GPHN: variants seen among roughly 807,000 people sequenced by gnomAD.
The protein encoded by GPHN is gephyrin.
A neutral mutation model predicts 95.5 loss-of-function variants in GPHN; 17 were observed. The ratio of observed to expected loss-of-function variants is 0.18; its 90% confidence interval spans 0.12 to 0.27. The LOEUF is 0.27. GPHN is among the 10% of genes least tolerant of loss of function. GPHN has a pLI of 1.00. For synonymous variants in GPHN, 320 were observed against 322.5 expected (o/e 0.99, Z 0.08); for missense variants, 660 against 978.1 (o/e 0.67, Z 4.34).
At chr14:66,686,485 C>G (rs1390557031) in intron 2 of GPHN, among the ~76,000 whole-genome samples, 10 of 152,092 alleles carry the variant, frequency 6.6e-5, no homozygotes, top group Non-Finnish European at 1.3e-4. Context: ...AAGTTGGATT[C>G]CTAGGTATTT....
the GPHN span, chr14:67,411,964 C>T: frequency 6.8e-7 from 1 of 1,460,302 alleles, no homozygotes; most frequent in Non-Finnish European, 9.2e-7. Context: ...CTCTAGGGAG[C>T]CGCGTCGGCG....
At chr14:66,865,871 T>A (rs926113307) in intron 4 of GPHN, among the ~76,000 whole-genome samples, 2 of 152,168 alleles carry the variant, frequency 1.3e-5, no homozygotes, top group Admixed American at 6.5e-5. Flanking sequence ...TTGGCTTGGC[T>A]CTTTTATTAC....
chr14:67,562,751 C>T, the GPHN span: 1 of 1,613,786 alleles, frequency 6.2e-7, no homozygotes. Context: ...CCGGGAGGAA[C>T]CAGAGAAGAT....
chr14:67,639,093 C>G, the GPHN span, among the ~76,000 whole-genome samples: 1 of 152,204 alleles, frequency 6.6e-6, no homozygotes, highest in Non-Finnish European at 1.5e-5. Context: ...CCTGAATTAG[C>G]GACTGAAATC....
chr14:67,426,775 A>G, the GPHN span, among the ~76,000 whole-genome samples: 1 of 152,098 alleles, frequency 6.6e-6, no homozygotes, highest in East Asian at 1.9e-4. Context: ...GGGTTTCTCC[A>G]TGTTGGGCAG....
At chr14:67,420,989 T>C in the GPHN span, among the ~76,000 whole-genome samples, 1 of 152,196 alleles carries the variant, frequency 6.6e-6, no homozygotes. Context: ...GAGATGAGGA[T>C]GCAGTTGGTC....
At chr14:67,667,116 GA>G in the GPHN span, among the ~76,000 whole-genome samples, 5 of 152,154 alleles carry the variant, frequency 3.3e-5, no homozygotes. Context: ...TCTCCTTTGG[GA>G]AACTGGGTGG....
the GPHN span, among the ~76,000 whole-genome samples, chr14:67,606,622 C>T: frequency 1.3e-5 from 2 of 151,870 alleles, no homozygotes; most frequent in East Asian, 3.9e-4. Context: ...GTAAAAAAGC[C>T]CTGGTTTTTG....
At chr14:67,433,784 A>G in the GPHN span, among the ~76,000 whole-genome samples, 1 of 152,254 alleles carries the variant, frequency 6.6e-6, no homozygotes, top group Non-Finnish European at 1.5e-5. Context: ...AAGACTTGAT[A>G]TAAGATGAAT....
intron 3 of GPHN, among the ~76,000 whole-genome samples, chr14:66,786,546 T>C (rs1440965388): frequency 6.6e-6 from 1 of 152,070 alleles, no homozygotes; most frequent in Non-Finnish European, 1.5e-5. Context: ...TCTAGTATAA[T>C]GTTGATACCA....
intron 1 of GPHN, among the ~76,000 whole-genome samples, chr14:66,651,572 T>G (rs2065046418): frequency 1.3e-5 from 2 of 152,164 alleles, no homozygotes; most frequent in Admixed American, 1.3e-4. Flanking sequence ...CCTTTGTCCT[T>G]GCTAGAAGAG....
chr14:67,681,817 T>G, the GPHN span, among the ~76,000 whole-genome samples: 1 of 152,172 alleles, frequency 6.6e-6, no homozygotes, highest in Non-Finnish European at 1.5e-5. Context: ...CACAGACCTA[T>G]GTAATGCTAC....
At chr14:67,609,695 A>G in the GPHN span, among the ~76,000 whole-genome samples, 1 of 152,218 alleles carries the variant, frequency 6.6e-6, no homozygotes, top group Non-Finnish European at 1.5e-5. Context: ...GGGGCTCATT[A>G]TAAATAACAA....
chr14:67,341,733 G>A, the GPHN span, among the ~76,000 whole-genome samples: 2 of 152,260 alleles, frequency 1.3e-5, no homozygotes, highest in African/African-American at 4.8e-5. Flanking sequence ...GCGGTTTTGT[G>A]GAATAGAAAA....
the GPHN span, chr14:67,579,328 GCT>G: frequency 2.0e-6 from 3 of 1,480,836 alleles, no homozygotes; most frequent in Non-Finnish European, 2.7e-6. Flanking sequence ...AGCTGGGCGT[GCT>G]CTTTGCCCCG....
At chr14:67,578,877 C>G in the GPHN span, among the ~76,000 whole-genome samples, 1 of 152,248 alleles carries the variant, frequency 6.6e-6, no homozygotes, top group Non-Finnish European at 1.5e-5. The surrounding 1 kb of genome is among the most constrained non-coding windows in gnomAD (Gnocchi z 5.0). Flanking sequence ...CATGAAGCCA[C>G]ACTGCTCCCA....
intron 5 of GPHN, among the ~76,000 whole-genome samples, chr14:66,903,543 G>A (rs114340892): frequency 1.5e-3 from 229 of 152,246 alleles, no homozygotes; most frequent in African/African-American, 5.2e-3. Context: ...CTTTAGAGAC[G>A]AAGTGGATTT....
intron 1 of GPHN, among the ~76,000 whole-genome samples, chr14:66,589,291 A>G (rs2061544904): frequency 6.6e-6 from 1 of 152,166 alleles, no homozygotes; most frequent in Admixed American, 6.5e-5. Flanking sequence ...ACCAAATTGT[A>G]AAGTCTTTCG....
chr14:67,577,317 G>C, the GPHN span: 1 of 1,571,184 alleles, frequency 6.4e-7, no homozygotes, highest in African/African-American at 1.4e-5. Context: ...CCGCTCTGGA[G>C]GCACCCCATG....
Sources: gnomAD v4.1 joint callset for allele counts (sites outside exome capture counted in the v4.1 genomes callset) on GRCh38, gnomAD v4.1.1 for gene constraint, Gnocchi (gnomAD v3.1) non-coding constraint, MANE v1.5 for transcripts, NCBI Gene and HGNC (gene_info 2026-07-23, HGNC 2026-07-21) for gene names.